The following PTPRS variants were observed in gnomAD, a reference collection of about 807,000 sequenced individuals.
PTPRS encodes the protein receptor-type tyrosine-protein phosphatase S.
Under a neutral mutation model 215.3 loss-of-function variants are expected in PTPRS, and 63 were observed. The ratio of observed to expected loss-of-function variants is 0.29; its 90% CI spans 0.24 to 0.36. The LOEUF (loss-of-function observed/expected upper bound fraction) is 0.36. PTPRS is among the 10% of genes least tolerant of loss of function. The pLI is 1.00. For missense variants in PTPRS, 2,258 were observed against 2,825.8 expected (o/e 0.80, Z 4.56); for synonymous variants, 1,404 against 1,191.4 (o/e 1.18, Z -3.68).
chr19:5,229,627 C>A lies in PTPRS; in HGVS notation c.2213G>T (p.Arg738Leu). 1.4e-6 allele frequency: 2 copies of A among 1,380,924 alleles called. No individual in the cohort carries two copies. The highest frequency in any genetic ancestry group is 3.3e-5 in the Admixed American group (1 of 30,274). 85.5% of individuals were successfully genotyped at this position (1,380,924 alleles called of 1,614,324 possible). The change falls in exon 15 of 38, where the codon CGC becomes CTC. Residue 738 changes from arginine to leucine, a missense_variant. Around this residue, in one of 6 missense-constraint regions of PTPRS, gnomAD observed 371 missense variants for 446.7 expected, o/e 0.83. Coordinates refer to ENST00000262963, the MANE Select transcript of PTPRS (RefSeq NM_002850.4). ...EAEALNATAI[R>L]VLWRSPAPGR... ...GGGCGCGGGCGAGCGCCACAGCACG[C>A]GGATGGCCGTGGCGTTGAGCGCCTC... is the stretch of plus-strand genomic sequence containing the variant.
chr19:5,216,942 T>G (rs1472807268), intron 25 of PTPRS, among the ~76,000 whole-genome samples, 175 bp from the exon 26 acceptor site: 1 of 152,206 alleles, frequency 6.6e-6, no homozygotes, highest in African/African-American at 2.4e-5. Flanking sequence ...AGCTGCTAAC[T>G]GTGTACCCCT....
intron 1 of PTPRS, among the ~76,000 whole-genome samples, chr19:5,301,842 G>A (rs1000233557): frequency 2.0e-5 from 3 of 152,128 alleles, no homozygotes; most frequent in African/African-American, 7.2e-5. Flanking sequence ...GTGTAGCGCG[G>A]CAATCTCAGC....
At chr19:5,286,340 G>T in intron 1 of PTPRS, 106 bp from the exon 2 acceptor site, 2 of 592,008 alleles carry the variant, frequency 3.4e-6, no homozygotes, top group South Asian at 3.8e-5. Flanking sequence ...GTCCTGCGGG[G>T]GCTGGTCATG....
chr19:5,219,217 C>A, intron 23 of PTPRS, 93 bp downstream of exon 23: 2 of 1,513,892 alleles, frequency 1.3e-6, no homozygotes, highest in South Asian at 1.2e-5. Flanking sequence ...ACAACAGAGA[C>A]CTTTAGTGAT....
intron 6 of PTPRS, among the ~76,000 whole-genome samples, chr19:5,262,132 G>A (rs8106267): frequency 0.59 from 89,120 of 151,910 alleles, 27,825 homozygotes; most frequent in East Asian, 0.81. Flanking sequence ...AAAATTAGCC[G>A]GGTGTGGTGG....
In PTPRS at chr19:5,206,060, TAAAAAAAAAAAAAAAAA is replaced by T. The variant is rs545658474; in HGVS notation, c.*697_*713del. ...CACACTTTCTGATGGTAGGAAAAAT[TAAAAAAAAAAAAAAAAA>T]AAAAAAAGCCAAGGTACAGCCATGG... On this transcript the variant is annotated 3_prime_UTR_variant, in exon 38 of 38. Transcript: ENST00000262963. 1.1e-4 allele frequency among the ~76,000 whole-genome samples: 8 copies of T among 70,258 alleles called. No homozygotes were observed. Among genetic ancestry groups the T allele is most frequent in the Admixed American group, 9.7e-4 (6 of 6,194 alleles). 46.1% of individuals were successfully genotyped at this position (70,258 alleles called of 152,430 possible).
chr19:5,328,437 C>A (rs1046579939), intron 1 of PTPRS, among the ~76,000 whole-genome samples: 1 of 151,826 alleles, frequency 6.6e-6, no homozygotes, highest in Admixed American at 6.6e-5. Context: ...GGGGTTTCAC[C>A]ATGTTGCTCA....
intron 9 of PTPRS, among the ~76,000 whole-genome samples, chr19:5,246,875 AAAAT>A (rs1411591291): frequency 1.3e-5 from 2 of 150,606 alleles, no homozygotes; most frequent in Non-Finnish European, 3.0e-5. Context: ...AACATCATGC[AAAAT>A]AGATTGAGAG....
intron 1 of PTPRS, among the ~76,000 whole-genome samples, chr19:5,298,118 T>A (rs544938583): frequency 9.9e-5 from 15 of 152,280 alleles, no homozygotes; most frequent in African/African-American, 3.6e-4. Flanking sequence ...CTTCTATGCA[T>A]ACGAATGGGT....
chr19:5,326,726 GGAAGA>G lies in PTPRS; in HGVS notation c.-95+13933_-95+13937del, dbSNP rs373004715. Among the ~76,000 whole-genome samples, 595 of 149,404 alleles carry G rather than the reference GGAAGA, an allele frequency of 4.0e-3. 2 individuals carry two copies. The highest frequency in any genetic ancestry group is 0.024 in the Middle Eastern group (7 of 292). On this transcript the variant is annotated intron_variant, in intron 1 of 37. Transcript: ENST00000262963. ...AAAAAAAAGAAACGAAGAAAAGAAA[GGAAGA>G]GAAGAGAAAGAGAAAATGAGGGAGA...
At chr19:5,260,959 G>T in intron 6 of PTPRS, 137 bp from the exon 7 acceptor site, 1 of 1,049,152 alleles carries the variant, frequency 9.5e-7, no homozygotes, top group Non-Finnish European at 1.4e-6. Context: ...GCCAGCCCTG[G>T]GCATACGGAC....
intron 1 of PTPRS, among the ~76,000 whole-genome samples, chr19:5,317,281 G>A (rs763951707): frequency 7.9e-5 from 12 of 152,102 alleles, no homozygotes; most frequent in Admixed American, 3.3e-4. Flanking sequence ...AGACCAGCCC[G>A]GCCAACATGG....
chr19:5,217,340 T>A (rs1488507200), intron 25 of PTPRS, among the ~76,000 whole-genome samples: 1 of 152,162 alleles, frequency 6.6e-6, no homozygotes, highest in East Asian at 1.9e-4. Context: ...GTCAGTTACA[T>A]GCACATTTAA....
In PTPRS at chr19:5,340,461, C is replaced by A. The variant is rs2050657809; in HGVS notation, c.-95+203G>T. On this transcript the variant is annotated intron_variant, in intron 1 of 37. Transcript: ENST00000262963. The stretch of plus-strand genomic sequence containing the variant: ...GCGGCCCCGGCCCTGTCCCTCGGGG[C>A]ATTGTCCGGGCGCAGCTACCGGGGC... Among the ~76,000 whole-genome samples, 4 of 150,570 alleles carry A rather than the reference C, an allele frequency of 2.7e-5. No individual in the cohort carries two copies. In the South Asian group the frequency reaches 8.4e-4, roughly 31 times the overall value.
intron 1 of PTPRS, among the ~76,000 whole-genome samples, chr19:5,288,514 C>T (rs933638768): frequency 3.3e-5 from 5 of 152,208 alleles, no homozygotes; most frequent in South Asian, 2.1e-4. Context: ...ACGAGGAAGG[C>T]GGTGGCCCCA....
chr19:5,255,595 A>G (rs1257419317), intron 9 of PTPRS, among the ~76,000 whole-genome samples: 1 of 151,500 alleles, frequency 6.6e-6, no homozygotes, highest in Non-Finnish European at 1.5e-5. Flanking sequence ...AGAAAAAAGA[A>G]AAAAAAAAGA....
intron 1 of PTPRS, among the ~76,000 whole-genome samples, chr19:5,303,048 C>T (rs1406108677): frequency 6.6e-6 from 1 of 151,778 alleles, no homozygotes; most frequent in African/African-American, 2.4e-5. Flanking sequence ...CCAGCCTGGG[C>T]GACAGAGAGA....
chr19:5,218,315 T>C (rs766131066), intron 25 of PTPRS, 105 bp downstream of exon 25: 30 of 881,800 alleles, frequency 3.4e-5, no homozygotes, highest in Non-Finnish European at 4.5e-5. Flanking sequence ...GCACCAAGCA[T>C]AGTTCAGAGG....
At chr19:5,325,635 A>G (rs1465939324) in intron 1 of PTPRS, among the ~76,000 whole-genome samples, 1 of 152,158 alleles carries the variant, frequency 6.6e-6, no homozygotes, top group Non-Finnish European at 1.5e-5. Flanking sequence ...GGCGTCCCCA[A>G]GGACAGGCCC....
Sources: allele counts gnomAD v4.1 joint callset (sites outside exome capture counted in the v4.1 genomes callset), GRCh38; gene constraint gnomAD v4.1.1; regional missense constraint gnomAD v4.1.1; transcripts MANE v1.5; gene names NCBI Gene and HGNC (gene_info 2026-07-23, HGNC 2026-07-21).